The following ULK4 variants were observed in gnomAD, a reference collection of about 807,000 sequenced individuals.
ULK4 encodes inactive serine/threonine-protein kinase ULK4.
A neutral mutation model predicts 160.6 loss-of-function variants in ULK4; 133 were observed. The observed-to-expected ratio is 0.83, with a 90% CI of 0.72 to 0.96. The LOEUF (loss-of-function observed/expected upper bound fraction) is 0.96. Among genes scored for constraint, ULK4 ranks in the 40% least tolerant of loss-of-function variants. ULK4 has a pLI of 0.00. For missense variants in ULK4, 1,580 were observed against 1,499.5 expected, an observed-to-expected ratio of 1.05 and a Z score of -0.89; for synonymous variants, 534 against 539.8, an observed-to-expected ratio of 0.99 and a Z score of 0.15.
At chr3:41,647,515 G>A (rs573571146) in intron 30 of ULK4, among the ~76,000 whole-genome samples, 33 of 152,280 alleles carry the variant, frequency 2.2e-4, no homozygotes, top group Admixed American at 9.2e-4. Context: ...GCGGATTTTC[G>A]CGAACCACAA....
chr3:41,361,869 T>C lies in ULK4; in HGVS notation c.3678+36210A>G, dbSNP rs542371058. On this transcript the variant is annotated intron_variant, in intron 35 of 36. Coordinates refer to ENST00000301831, the MANE Select transcript of ULK4 (RefSeq NM_017886.4). ...TCAGCTGTTTTTGTATCTGTCATTA[T>C]GAAGTAAGAGCTTCAGCAGGCTTGT... is the stretch of plus-strand genomic sequence containing the variant. 4.8e-4 allele frequency among the ~76,000 whole-genome samples: 73 copies of C among 152,354 alleles called. 1 individual carries two copies. The highest frequency in any genetic ancestry group is 1.6e-3 in the Admixed American group (24 of 15,302).
chr3:41,538,457 T>C (rs1204593743), intron 32 of ULK4, among the ~76,000 whole-genome samples: 3 of 152,136 alleles, frequency 2.0e-5, no homozygotes, highest in Admixed American at 6.6e-5. Flanking sequence ...ATTCAACTTT[T>C]TGTTATTACG....
intron 32 of ULK4, among the ~76,000 whole-genome samples, chr3:41,522,067 T>A (rs2085947634): frequency 6.6e-6 from 1 of 152,146 alleles, no homozygotes; most frequent in African/African-American, 2.4e-5. Context: ...TATACGTCCC[T>A]CCTTGCTATT....
At chr3:41,816,325 CTTTCT>C (rs2040963773) in intron 19 of ULK4, among the ~76,000 whole-genome samples, 3 of 152,206 alleles carry the variant, frequency 2.0e-5, no homozygotes, top group African/African-American at 4.8e-5. Context: ...ATTATTACAG[CTTTCT>C]TTTCTTTTCT....
chr3:41,747,998 A>G (rs2038475204), intron 22 of ULK4, among the ~76,000 whole-genome samples: 1 of 152,126 alleles, frequency 6.6e-6, no homozygotes, highest in Non-Finnish European at 1.5e-5. Context: ...AAAAATAAAT[A>G]AGTTTATCCT....
intron 9 of ULK4, among the ~76,000 whole-genome samples, chr3:41,912,547 A>G (rs894365780): frequency 6.6e-6 from 1 of 152,214 alleles, no homozygotes; most frequent in African/African-American, 2.4e-5. Context: ...GGAGGTGGGA[A>G]GCCAGATGTA....
intron 31 of ULK4, among the ~76,000 whole-genome samples, chr3:41,599,432 G>C (rs1244380820): frequency 6.6e-6 from 1 of 152,286 alleles, no homozygotes; most frequent in African/African-American, 2.4e-5. Context: ...ACAGGTTTCA[G>C]GGATTAGGGC....
intron 22 of ULK4, among the ~76,000 whole-genome samples, chr3:41,751,511 T>G (rs1219264711): frequency 6.6e-6 from 1 of 152,150 alleles, no homozygotes; most frequent in East Asian, 1.9e-4. Context: ...TCCTGTTTGT[T>G]GTGTTGCTCC....
At chr3:41,839,946 T>C (rs942015352) in intron 17 of ULK4, among the ~76,000 whole-genome samples, 7 of 151,926 alleles carry the variant, frequency 4.6e-5, no homozygotes, top group African/African-American at 1.7e-4. Flanking sequence ...ATAAATGGAG[T>C]AATAGACTAT....
chr3:41,505,424 T>G (rs2085343369), intron 32 of ULK4, among the ~76,000 whole-genome samples: 1 of 152,196 alleles, frequency 6.6e-6, no homozygotes, highest in Non-Finnish European at 1.5e-5. Context: ...TCATTCATTC[T>G]ATTATAAATA....
chr3:41,586,478 CAA>C (rs1384237059), intron 31 of ULK4, among the ~76,000 whole-genome samples: 1 of 151,884 alleles, frequency 6.6e-6, no homozygotes, highest in South Asian at 2.1e-4. Flanking sequence ...CAGGTGACTG[CAA>C]AGAGATTAAG....
chr3:41,790,462 A>G (rs2040117067), intron 20 of ULK4, among the ~76,000 whole-genome samples: 1 of 152,246 alleles, frequency 6.6e-6, no homozygotes, highest in Non-Finnish European at 1.5e-5. Context: ...AAATCAGCTA[A>G]TAGAATGTAT....
At chr3:41,680,762 G>A (rs1392798123) in intron 29 of ULK4, among the ~76,000 whole-genome samples, 1 of 152,150 alleles carries the variant, frequency 6.6e-6, no homozygotes, top group African/African-American at 2.4e-5. Context: ...CTGCGGCCCA[G>A]GCCCTGGAGA....
intron 32 of ULK4, among the ~76,000 whole-genome samples, chr3:41,499,255 G>A (rs1196975292): frequency 1.3e-5 from 2 of 152,088 alleles, no homozygotes; most frequent in African/African-American, 4.8e-5. Context: ...TCTTTTGCTA[G>A]AAAAAGCTCA....
At chr3:41,558,831 T>A (rs1181288301) in intron 32 of ULK4, among the ~76,000 whole-genome samples, 2 of 152,012 alleles carry the variant, frequency 1.3e-5, no homozygotes, top group Admixed American at 1.3e-4. Context: ...CCAAGTCATA[T>A]TTCTGTGAAG....
chr3:41,901,519 C>A (rs1698363840), intron 12 of ULK4, among the ~76,000 whole-genome samples: 1 of 50,360 alleles, frequency 2.0e-5, no homozygotes, highest in Non-Finnish European at 5.6e-5. Context: ...CTCACTCCAT[C>A]ACACAGGCTG....
intron 17 of ULK4, among the ~76,000 whole-genome samples, chr3:41,851,459 T>C (rs1184549246): frequency 6.6e-6 from 1 of 152,184 alleles, no homozygotes; most frequent in East Asian, 1.9e-4. Context: ...CTTTTGGATA[T>C]GCTGCTGGAT....
At chr3:41,953,285 C>CACACACATATATATATAT (rs374288098) in intron 2 of ULK4, among the ~76,000 whole-genome samples, 1 of 85,926 alleles carries the variant, frequency 1.2e-5, no homozygotes, top group African/African-American at 3.8e-5. Context: ...CATATATACA[C>CACACACATATATATATAT]ATATATATAT....
chr3:41,803,171 CA>C (rs60309572), intron 19 of ULK4, among the ~76,000 whole-genome samples: 16 of 136,000 alleles, frequency 1.2e-4, no homozygotes, highest in Non-Finnish European at 9.4e-5. Context: ...GACTCCATCT[CA>C]AAAAAAAAAA....
Sources: gnomAD v4.1 joint callset for allele counts (sites outside exome capture counted in the v4.1 genomes callset) on GRCh38, gnomAD v4.1.1 for gene constraint, MANE v1.5 for transcripts, NCBI Gene and HGNC (gene_info 2026-07-23, HGNC 2026-07-21) for gene names.